ELAPOR2: variants seen among roughly 807,000 people sequenced by gnomAD.
ELAPOR2 encodes endosome/lysosome-associated apoptosis and autophagy regulator family member 2.
A neutral mutation model predicts 120.7 loss-of-function variants in ELAPOR2; 89 were observed. The ratio of observed to expected loss-of-function variants is 0.74; its 90% confidence interval spans 0.62 to 0.88. The LOEUF (loss-of-function observed/expected upper bound fraction) is 0.88, where lower values mean the gene tolerates loss of function less well. ELAPOR2 is among the 40% of genes least tolerant of loss of function. ELAPOR2 has a pLI of 0.00. For synonymous variants in ELAPOR2, 444 were observed against 444.9 expected (o/e 1.00, Z 0.03); for missense variants, 1,134 against 1,251.6 (o/e 0.91, Z 1.42).
At chr7:86,944,065 A>T (rs1401726303) in intron 4 of ELAPOR2, among the ~76,000 whole-genome samples, 3 of 152,066 alleles carry the variant, frequency 2.0e-5, no homozygotes, top group Admixed American at 1.3e-4. Context: ...CATTTCCAAC[A>T]ATACAAATTT....
At position 86,892,916 on chromosome 7, in the gene ELAPOR2, A is replaced by G. The variant is rs1788238701; in HGVS notation, c.2864+6T>C. The stretch of plus-strand genomic sequence containing the variant: ...CTCTCTTGTGATCATCTCAGAGGGT[A>G]CTTACTTTTGATTCTTTTTCCAGAA... On this transcript the variant is annotated splice_donor_region_variant and intron_variant, in intron 20 of 21. Coordinates refer to ENST00000450689, the MANE Select transcript of ELAPOR2 (RefSeq NM_001142749.3). 1 of 1,528,852 alleles carries G rather than the reference A, an allele frequency of 6.5e-7. No individual in the cohort carries two copies. The highest frequency in any genetic ancestry group is 2.5e-5 in the Admixed American group (1 of 40,434). The allele number at this position is 1,528,852 out of a possible 1,614,324, so 94.7% of individuals were successfully genotyped here. A position where few individuals can be genotyped will look rare whatever the true frequency, so the allele number is the denominator to read the frequency against.
chr7:87,020,115 TTAAGTA>T (rs1793991951), intron 1 of ELAPOR2, among the ~76,000 whole-genome samples: 3 of 152,268 alleles, frequency 2.0e-5, no homozygotes, highest in South Asian at 2.1e-4. Flanking sequence ...AATTGCTCTT[TTAAGTA>T]TATTTTTGTA....
chr7:86,951,238 C>A (rs914706375), intron 2 of ELAPOR2, among the ~76,000 whole-genome samples: 3 of 152,178 alleles, frequency 2.0e-5, no homozygotes, highest in African/African-American at 7.2e-5. Context: ...ATAGCTGCAA[C>A]AGAAACTGCA....
At chr7:86,906,397 A>T (rs971709850) in intron 18 of ELAPOR2, among the ~76,000 whole-genome samples, 52 of 152,128 alleles carry the variant, frequency 3.4e-4, no homozygotes, top group African/African-American at 1.2e-3. Context: ...GAATAATTAA[A>T]TCATAGGTCT....
intron 18 of ELAPOR2, 77 bp downstream of exon 18, chr7:86,907,593 A>T: frequency 1.1e-6 from 1 of 922,898 alleles, no homozygotes; most frequent in Non-Finnish European, 1.6e-6. Context: ...TTCATAGAGA[A>T]TATGTTTTAA....
intron 3 of ELAPOR2, among the ~76,000 whole-genome samples, chr7:86,945,630 C>T (rs1790967662): frequency 6.6e-6 from 1 of 151,986 alleles, no homozygotes; most frequent in Admixed American, 6.6e-5. Flanking sequence ...AAATATATGG[C>T]AATAGTATGA....
chr7:86,975,761 A>G (rs1431556756), intron 1 of ELAPOR2, among the ~76,000 whole-genome samples: 2 of 152,242 alleles, frequency 1.3e-5, no homozygotes, highest in Non-Finnish European at 2.9e-5. Flanking sequence ...TGCCCAAAAT[A>G]TAAAAGCAAG....
chr7:86,955,056 T>G (rs2116429300), intron 2 of ELAPOR2, among the ~76,000 whole-genome samples: 1 of 152,174 alleles, frequency 6.6e-6, no homozygotes, highest in East Asian at 1.9e-4. Context: ...CCTGCCAGAT[T>G]TATTATCATT....
intron 1 of ELAPOR2, among the ~76,000 whole-genome samples, chr7:86,973,397 G>T (rs1275580915): frequency 1.3e-5 from 2 of 152,078 alleles, no homozygotes; most frequent in African/African-American, 4.8e-5. Context: ...TGCCCGGAAG[G>T]CTCTTTCTGC....
At chr7:86,996,241 G>T (rs914268595) in intron 1 of ELAPOR2, among the ~76,000 whole-genome samples, 4 of 152,182 alleles carry the variant, frequency 2.6e-5, no homozygotes, top group Non-Finnish European at 4.4e-5. Context: ...TAAATAGGGT[G>T]CCCAGGGAAG....
chr7:87,015,794 C>T (rs528344123), intron 1 of ELAPOR2, among the ~76,000 whole-genome samples: 2 of 152,274 alleles, frequency 1.3e-5, no homozygotes, highest in African/African-American at 4.8e-5. Context: ...CACTGCACTC[C>T]AGCCTGGGTG....
intron 1 of ELAPOR2, among the ~76,000 whole-genome samples, chr7:87,020,510 C>T (rs1212994565): frequency 6.6e-6 from 1 of 151,952 alleles, no homozygotes. Context: ...TCAAAAAAGC[C>T]AGGCTCAGAA....
intron 1 of ELAPOR2, among the ~76,000 whole-genome samples, chr7:86,994,776 A>G (rs1350604173): frequency 1.3e-5 from 2 of 152,132 alleles, no homozygotes; most frequent in African/African-American, 4.8e-5. Context: ...AGACACATAT[A>G]GGAGTAATTC....
chr7:86,969,095 G>T (rs1463058575), intron 1 of ELAPOR2, among the ~76,000 whole-genome samples: 1 of 152,038 alleles, frequency 6.6e-6, no homozygotes, highest in Non-Finnish European at 1.5e-5. Flanking sequence ...ACACTACACA[G>T]GCACGAACTT....
chr7:87,047,924 G>A (rs1303276098), intron 1 of ELAPOR2, among the ~76,000 whole-genome samples: 3 of 152,176 alleles, frequency 2.0e-5, no homozygotes, highest in Non-Finnish European at 2.9e-5. Flanking sequence ...AACAACCTAA[G>A]TGTCCATCAA....
chr7:86,987,658 C>A (rs1474310539), intron 1 of ELAPOR2, among the ~76,000 whole-genome samples: 1 of 151,494 alleles, frequency 6.6e-6, no homozygotes. Context: ...TACCATCTCA[C>A]GCTAGTTAGA....
intron 9 of ELAPOR2, 78 bp downstream of exon 9, chr7:86,926,658 C>A (rs1484919002): frequency 6.7e-6 from 9 of 1,352,842 alleles, no homozygotes; most frequent in African/African-American, 1.5e-5. Context: ...TCCATAAAAA[C>A]AATTTAGAAA....
At position 86,986,220 on chromosome 7, in the gene ELAPOR2, G is replaced by C. The variant is rs1410899329; in HGVS notation, c.190-21196C>G. On this transcript the variant is annotated intron_variant, in intron 1 of 21. Transcript: ENST00000450689. ...CGAGGCGGGCGGATCACGAGGTCAG[G>C]AGATCGAGACCATCCCGGCTAAAAT... is the stretch of plus-strand genomic sequence containing the variant. Among the ~76,000 whole-genome samples, 2 of 120,836 alleles carry C rather than the reference G, an allele frequency of 1.7e-5. 1 individual carries two copies. The highest frequency in any genetic ancestry group is 3.4e-5 in the Non-Finnish European group (2 of 58,954). 79.3% of individuals were successfully genotyped at this position (120,836 alleles called of 152,430 possible). A position where few individuals can be genotyped will look rare whatever the true frequency, so the allele number is the denominator to read the frequency against.
chr7:86,970,046 G>A (rs1792052522), intron 1 of ELAPOR2, among the ~76,000 whole-genome samples: 2 of 152,134 alleles, frequency 1.3e-5, no homozygotes, highest in Admixed American at 6.6e-5. Flanking sequence ...CTCAGCCTAG[G>A]GTGGATGAAT....
Sources: allele counts gnomAD v4.1 joint callset (sites outside exome capture counted in the v4.1 genomes callset), GRCh38; gene constraint gnomAD v4.1.1; transcripts MANE v1.5; gene names NCBI Gene and HGNC (gene_info 2026-07-23, HGNC 2026-07-21).